CDK14: variants seen among roughly 807,000 people sequenced by gnomAD.
The protein encoded by CDK14 is cyclin dependent kinase 14.
In CDK14, 34 loss-of-function variants were observed where a neutral mutation model predicts 60.7. The observed-to-expected ratio is 0.56, with a 90% CI of 0.43 to 0.75. The LOEUF is 0.75. CDK14 is among the 30% of genes least tolerant of loss of function. The pLI is 0.00. For synonymous variants in CDK14, 197 were observed against 203.7 expected (o/e 0.97, Z 0.28); for missense variants, 482 against 564.1 (o/e 0.85, Z 1.47).
intron 1 of CDK14, among the ~76,000 whole-genome samples, chr7:90,602,273 G>A (rs1181981112): frequency 6.6e-6 from 1 of 152,212 alleles, no homozygotes; most frequent in Non-Finnish European, 1.5e-5. Flanking sequence ...CAGCCACATA[G>A]TGCGCGTGTT....
In CDK14 at chr7:90,747,555, T is replaced by G. The variant is rs535045102; in HGVS notation, c.370-126T>G. 215 of 612,188 alleles carry G rather than the reference T, an allele frequency of 3.5e-4. No homozygotes were observed. In the East Asian group the frequency reaches 6.8e-3, roughly 19 times the overall value. 37.9% of individuals were successfully genotyped at this position (612,188 alleles called of 1,614,324 possible). On this transcript the variant is annotated intron_variant, in intron 3 of 14. Transcript: ENST00000380050. ...ATTATGTTGTTTTGAAAAATAAACATGTATGCCAGAAAAAACAGTTATTTA... is the reference window on the plus strand; with the variant it reads ...ATTATGTTGTTTTGAAAAATAAACAGGTATGCCAGAAAAAACAGTTATTTA...
intron 11 of CDK14, among the ~76,000 whole-genome samples, chr7:91,058,104 C>T (rs1797646678): frequency 6.6e-6 from 1 of 152,170 alleles, no homozygotes; most frequent in East Asian, 1.9e-4. Context: ...TGTAGTTCTC[C>T]TTGAAGAGGT....
chr7:91,185,434 A>G (rs1428057842), intron 14 of CDK14, among the ~76,000 whole-genome samples: 5 of 150,720 alleles, frequency 3.3e-5, no homozygotes, highest in Admixed American at 1.3e-4. Flanking sequence ...TGCAAAAACA[A>G]TAGAACTACA....
intron 2 of CDK14, among the ~76,000 whole-genome samples, chr7:90,620,969 A>T (rs546754209): frequency 2.0e-5 from 3 of 152,186 alleles, no homozygotes; most frequent in Non-Finnish European, 4.4e-5. Flanking sequence ...CAGAAAAGGA[A>T]TGTCCACTGG....
chr7:91,141,654 C>T (rs1800462988), intron 14 of CDK14, among the ~76,000 whole-genome samples: 1 of 152,078 alleles, frequency 6.6e-6, no homozygotes, highest in African/African-American at 2.4e-5. Context: ...CGGCTACCAG[C>T]TTCTCCATGA....
At chr7:91,202,261 G>A (rs548729939) in intron 14 of CDK14, among the ~76,000 whole-genome samples, 2 of 152,176 alleles carry the variant, frequency 1.3e-5, no homozygotes, top group Non-Finnish European at 2.9e-5. Flanking sequence ...GAAGCTCTAT[G>A]TAGATATTTC....
At chr7:90,841,975 A>AT (rs1313946256) in intron 5 of CDK14, among the ~76,000 whole-genome samples, 2 of 152,040 alleles carry the variant, frequency 1.3e-5, no homozygotes, top group East Asian at 1.9e-4. Flanking sequence ...AATCCTATGT[A>AT]TTTTTTTAAA....
chr7:90,917,836 AT>A (rs909528732), intron 8 of CDK14, 112 bp downstream of exon 8: 625 of 990,096 alleles, frequency 6.3e-4, no homozygotes, highest in South Asian at 9.6e-4. Flanking sequence ...GATCCTGGTA[AT>A]TTTTTTTTTC....
At chr7:90,925,359 A>G (rs1214735036) in intron 8 of CDK14, among the ~76,000 whole-genome samples, 1 of 152,200 alleles carries the variant, frequency 6.6e-6, no homozygotes, top group Non-Finnish European at 1.5e-5. Context: ...GGAGCAGTAG[A>G]TGAAATGGGT....
At chr7:90,806,373 A>G (rs1788835121) in intron 5 of CDK14, among the ~76,000 whole-genome samples, 1 of 152,226 alleles carries the variant, frequency 6.6e-6, no homozygotes, top group South Asian at 2.1e-4. Flanking sequence ...TATTGGATAA[A>G]GGATTTATAT....
intron 2 of CDK14, among the ~76,000 whole-genome samples, chr7:90,669,548 C>T (rs950837181): frequency 4.2e-5 from 6 of 141,726 alleles, no homozygotes; most frequent in Non-Finnish European, 9.2e-5. Context: ...TGCCTTACCA[C>T]CAGAAAGTGG....
chr7:90,786,421 G>A (rs1351689151), intron 4 of CDK14, among the ~76,000 whole-genome samples: 3 of 152,086 alleles, frequency 2.0e-5, no homozygotes, highest in Non-Finnish European at 4.4e-5. Context: ...TTTGAATTTT[G>A]TGATTATTTC....
Position 90,726,670 on chromosome 7 carries a change from C to G in CDK14, c.227C>G (p.Thr76Arg). 1 of 1,613,878 alleles carries G rather than the reference C, an allele frequency of 6.2e-7. No individual in the cohort carries two copies. Among genetic ancestry groups the G allele is most frequent in the East Asian group, 2.2e-5 (1 of 44,882 alleles). The part of the protein sequence containing the change: ...PEDKKVRVQR[T>R]QSTFDPFEKP... ...GATAAAAAAGTCAGAGTTCAGAGGA[C>G]ACAGAGCACTTTTGACCCATTTGAG... The change falls in exon 3 of 15, where the codon ACA (threonine) becomes AGA (arginine). Residue 76 changes from threonine to arginine, a missense_variant. Coordinates refer to ENST00000380050, the MANE Select transcript of CDK14 (RefSeq NM_001287135.2).
At chr7:90,988,999 TGA>T (rs376057483) in intron 10 of CDK14, among the ~76,000 whole-genome samples, 53 of 66,640 alleles carry the variant, frequency 8.0e-4, no homozygotes, top group African/African-American at 2.3e-3. Flanking sequence ...TGTTTGTGTG[TGA>T]GTGTGTGTGT....
chr7:90,831,843 C>T (rs1413326370), intron 5 of CDK14, among the ~76,000 whole-genome samples: 2 of 152,062 alleles, frequency 1.3e-5, no homozygotes, highest in Non-Finnish European at 2.9e-5. Flanking sequence ...CTGGCTTGTC[C>T]TCAACCTCAT....
chr7:90,816,407 A>G (rs533202243), intron 5 of CDK14, among the ~76,000 whole-genome samples: 2 of 152,290 alleles, frequency 1.3e-5, no homozygotes, highest in East Asian at 3.9e-4. Context: ...CTAAAAAGAT[A>G]ATCTGGGTAT....
chr7:90,941,355 A>G (rs1793926922), intron 8 of CDK14, among the ~76,000 whole-genome samples: 1 of 152,138 alleles, frequency 6.6e-6, no homozygotes, highest in Non-Finnish European at 1.5e-5. Flanking sequence ...TGCTGTACCC[A>G]CTGCCTGAAT....
At chr7:90,893,388 G>T (rs1421044039) in intron 6 of CDK14, among the ~76,000 whole-genome samples, 1 of 152,174 alleles carries the variant, frequency 6.6e-6, no homozygotes, top group African/African-American at 2.4e-5. Context: ...CTAGTCTATA[G>T]GTGGTCCTCT....
chr7:91,061,218 A>T (rs1458163044), intron 11 of CDK14, among the ~76,000 whole-genome samples: 2 of 152,160 alleles, frequency 1.3e-5, no homozygotes, highest in Non-Finnish European at 2.9e-5. Flanking sequence ...TGCATTCGTC[A>T]TGTAGTTCTT....
Sources: gnomAD v4.1 joint callset for allele counts (sites outside exome capture counted in the v4.1 genomes callset) on GRCh38, gnomAD v4.1.1 for gene constraint, MANE v1.5 for transcripts, NCBI Gene and HGNC (gene_info 2026-07-23, HGNC 2026-07-21) for gene names.